Variants in TMEM117 observed in about 807,000 individuals in gnomAD.
TMEM117 encodes transmembrane protein 117.
TMEM117 carries 27 observed loss-of-function variants against 52.4 expected under a neutral mutation model. The observed-to-expected ratio is 0.51, with a 90% CI of 0.38 to 0.71. The LOEUF is 0.71. TMEM117 is among the 30% of genes least tolerant of loss of function. The probability of loss-of-function intolerance (pLI) is 0.00; values close to 1 mark genes in which losing one functional copy is unlikely to be tolerated. For synonymous variants in TMEM117, 215 were observed against 206.3 expected (o/e 1.04, Z -0.36); for missense variants, 556 against 630.5 (o/e 0.88, Z 1.26).
At chr12:44,114,817 A>G (rs1164637721) in intron 3 of TMEM117, among the ~76,000 whole-genome samples, 1 of 152,170 alleles carries the variant, frequency 6.6e-6, no homozygotes, top group Non-Finnish European at 1.5e-5. Flanking sequence ...AACAAACATT[A>G]CTGTTTCCTA....
intron 3 of TMEM117, among the ~76,000 whole-genome samples, chr12:44,007,261 AT>A (rs1946213458): frequency 6.6e-6 from 1 of 152,112 alleles, no homozygotes; most frequent in Admixed American, 6.6e-5. Flanking sequence ...AGAAATTTTC[AT>A]TTTATGTTCA....
At chr12:44,241,379 T>G (rs1257060927) in intron 5 of TMEM117, among the ~76,000 whole-genome samples, 1 of 151,022 alleles carries the variant, frequency 6.6e-6, no homozygotes, top group African/African-American at 2.5e-5. Flanking sequence ...TCCTTGTCTT[T>G]GATAGATTAA....
At chr12:44,075,641 C>G (rs1947370297) in intron 3 of TMEM117, among the ~76,000 whole-genome samples, 1 of 152,104 alleles carries the variant, frequency 6.6e-6, no homozygotes, top group African/African-American at 2.4e-5. Flanking sequence ...TCAAGTCAGG[C>G]AGTGAGTTTA....
At chr12:44,392,765 C>T (rs1299352662), downstream of TMEM117, among the ~76,000 whole-genome samples, 12 of 149,984 alleles carry the variant, frequency 8.0e-5, no homozygotes, top group African/African-American at 1.5e-4. Context: ...TGAGTGAGAA[C>T]ATGCGGCTTC....
At chr12:44,213,417 T>A (rs892574725) in intron 5 of TMEM117, among the ~76,000 whole-genome samples, 7 of 152,200 alleles carry the variant, frequency 4.6e-5, no homozygotes, top group Admixed American at 1.3e-4. Flanking sequence ...ATTCCCCACA[T>A]GGGTTTTAAA....
At chr12:43,820,877 G>A in the TMEM117 span, among the ~76,000 whole-genome samples, 1 of 151,630 alleles carries the variant, frequency 6.6e-6, no homozygotes, top group East Asian at 2.0e-4. Flanking sequence ...CGAGGCAGGC[G>A]GATCACGAGG....
At chr12:44,033,641 T>G (rs1333077334) in intron 3 of TMEM117, among the ~76,000 whole-genome samples, 1 of 152,252 alleles carries the variant, frequency 6.6e-6, no homozygotes, top group Non-Finnish European at 1.5e-5. Context: ...GATTTGGATC[T>G]AAACATTTCC....
At chr12:44,189,771 C>T (rs1339887147) in intron 4 of TMEM117, among the ~76,000 whole-genome samples, 1 of 152,150 alleles carries the variant, frequency 6.6e-6, no homozygotes, top group Admixed American at 6.5e-5. Flanking sequence ...AACTTTTCTG[C>T]ATCACTCCAA....
chr12:44,247,414 A>T (rs1044438759), intron 5 of TMEM117, among the ~76,000 whole-genome samples: 2 of 152,180 alleles, frequency 1.3e-5, no homozygotes, highest in Admixed American at 1.3e-4. Context: ...AAACAAGGAT[A>T]TATTTTTTCT....
downstream of TMEM117, among the ~76,000 whole-genome samples, chr12:44,393,337 C>G (rs1017666053): frequency 2.6e-5 from 4 of 152,080 alleles, no homozygotes; most frequent in African/African-American, 4.8e-5. Flanking sequence ...ATACTCCTTG[C>G]TCTAATAAAC....
chr12:43,923,856 A>G (rs1944734264), intron 2 of TMEM117, among the ~76,000 whole-genome samples: 1 of 152,050 alleles, frequency 6.6e-6, no homozygotes, highest in Non-Finnish European at 1.5e-5. Context: ...ATGTAGAAAA[A>G]TAAATGTCAG....
chr12:44,107,874 T>C (rs1176237661), intron 3 of TMEM117, among the ~76,000 whole-genome samples: 1 of 152,210 alleles, frequency 6.6e-6, no homozygotes, highest in Non-Finnish European at 1.5e-5. Context: ...GCAGTCATTG[T>C]GGAACAGGGC....
intron 6 of TMEM117, among the ~76,000 whole-genome samples, chr12:44,356,027 G>GA (rs1453728232): frequency 1.3e-5 from 2 of 151,886 alleles, no homozygotes; most frequent in African/African-American, 4.8e-5. Context: ...GAAAAAAAAA[G>GA]AAAAAAAGGC....
Position 44,388,788 on chromosome 12 carries a change from A to C in TMEM117, c.*116A>C. On this transcript the variant is annotated 3_prime_UTR_variant, in exon 8 of 8. Transcript: ENST00000266534. Reference sequence around the variant, plus strand: ...GTAGTGTTAGGTAAAAATATGAACAATGCCACAACGGTGCTCAACATGCTT... The same window carrying C: ...GTAGTGTTAGGTAAAAATATGAACACTGCCACAACGGTGCTCAACATGCTT... 4 of 1,127,828 alleles carry C rather than the reference A, an allele frequency of 3.5e-6. No homozygotes were observed. The highest frequency in any genetic ancestry group is 5.0e-6 in the Non-Finnish European group (4 of 793,320). The allele number at this position is 1,127,828 out of a possible 1,614,324, so 69.9% of individuals were successfully genotyped here.
chr12:44,330,777 G>C (rs1436155065), intron 6 of TMEM117, among the ~76,000 whole-genome samples: 1 of 151,980 alleles, frequency 6.6e-6, no homozygotes, highest in Non-Finnish European at 1.5e-5. Flanking sequence ...TAGGCAGCTT[G>C]TGCATGGAGG....
At chr12:44,397,201 T>A in the TMEM117 span, among the ~76,000 whole-genome samples, 2 of 152,172 alleles carry the variant, frequency 1.3e-5, no homozygotes, top group Non-Finnish European at 2.9e-5. Flanking sequence ...AGAAGTCCCC[T>A]GCACTAATTT....
chr12:43,965,228 C>T (rs537418937), intron 3 of TMEM117, among the ~76,000 whole-genome samples: 8 of 152,242 alleles, frequency 5.3e-5, no homozygotes, highest in South Asian at 2.1e-4. Context: ...CATAAAGGGA[C>T]GAATTTGAGT....
intron 1 of TMEM117, among the ~76,000 whole-genome samples, chr12:43,838,064 G>A (rs1015629483): frequency 6.6e-6 from 1 of 151,890 alleles, no homozygotes; most frequent in Non-Finnish European, 1.5e-5. Flanking sequence ...AGCCCCTGTG[G>A]TCTTTTGTAT....
intron 1 of TMEM117, among the ~76,000 whole-genome samples, chr12:43,836,830 G>A (rs946286045): frequency 2.0e-5 from 3 of 151,900 alleles, no homozygotes; most frequent in Admixed American, 2.0e-4. Context: ...AGAGAGACAC[G>A]GGAGTAAACA....
Sources: allele counts gnomAD v4.1 joint callset (sites outside exome capture counted in the v4.1 genomes callset), GRCh38; gene constraint gnomAD v4.1.1; transcripts MANE v1.5; gene names NCBI Gene and HGNC (gene_info 2026-07-23, HGNC 2026-07-21).